Variants in ABCD3 observed in about 807,000 individuals in gnomAD.
ABCD3 encodes the protein ATP binding cassette subfamily D member 3.
ABCD3 carries 41 observed loss-of-function variants against 105.5 expected under a neutral mutation model. The observed-to-expected ratio is 0.39, with a 90% CI of 0.30 to 0.50. The LOEUF is 0.50. ABCD3 is among the 20% of genes least tolerant of loss of function. The probability of loss-of-function intolerance (pLI) is 0.84; values close to 1 mark genes in which losing one functional copy is unlikely to be tolerated. For synonymous variants in ABCD3, 258 were observed against 269.0 expected (o/e 0.96, Z 0.40); for missense variants, 622 against 806.3 (o/e 0.77, Z 2.77).
chr1:94,386,866 TAATAA>T, the ABCD3 span, among the ~76,000 whole-genome samples: 4 of 151,984 alleles, frequency 2.6e-5, no homozygotes, highest in Admixed American at 2.0e-4. Context: ...AAAGAAAAAA[TAATAA>T]AATAAAATAA....
intron 10 of ABCD3, among the ~76,000 whole-genome samples, chr1:94,485,902 T>C (rs1342384585): frequency 6.6e-6 from 1 of 152,176 alleles, no homozygotes; most frequent in Non-Finnish European, 1.5e-5. Flanking sequence ...CTTAAAGTGT[T>C]TGGGATGAGC....
At chr1:94,465,445 A>G (rs760820190) in intron 3 of ABCD3, among the ~76,000 whole-genome samples, 21 of 152,198 alleles carry the variant, frequency 1.4e-4, no homozygotes, top group Non-Finnish European at 2.2e-4. Context: ...AACCTTGTTC[A>G]GTGCCAGTTT....
chr1:94,433,895 C>A (rs1156616091), intron 1 of ABCD3, among the ~76,000 whole-genome samples: 1 of 151,214 alleles, frequency 6.6e-6, no homozygotes, highest in Non-Finnish European at 1.5e-5. Flanking sequence ...GTGATCTGCC[C>A]ACTTTGGCCT....
rs950372775 is a variant in ABCD3 at position 94,443,915 on chromosome 1, G to A, written c.111-14692G>A. Among the ~76,000 whole-genome samples the A allele has an allele frequency of 1.2e-4, 19 of 152,182 alleles. 1 individual carries two copies. The highest frequency in any genetic ancestry group is 4.1e-4 in the South Asian group (2 of 4,824). On this transcript the variant is annotated intron_variant, in intron 1 of 22. Coordinates refer to ENST00000370214, the MANE Select transcript of ABCD3 (RefSeq NM_002858.4). ...ACTTTCTAATATTGGTTATATTGCC[G>A]TATTTTTTTGGATCAGTCTTGCCAT...
At chr1:94,401,932 C>T in the ABCD3 span, among the ~76,000 whole-genome samples, 1 of 152,114 alleles carries the variant, frequency 6.6e-6, no homozygotes, top group South Asian at 2.1e-4. Flanking sequence ...TTTTTGTCAC[C>T]CAAGGAAGTT....
chr1:94,403,188 T>A, the ABCD3 span, among the ~76,000 whole-genome samples: 1 of 152,090 alleles, frequency 6.6e-6, no homozygotes, highest in South Asian at 2.1e-4. Context: ...AACAAAATGA[T>A]CCTCGTCTTA....
At chr1:94,393,472 C>T in the ABCD3 span, among the ~76,000 whole-genome samples, 3 of 151,874 alleles carry the variant, frequency 2.0e-5, no homozygotes, top group East Asian at 3.9e-4. Flanking sequence ...AACCCCGTCT[C>T]GACTAAAAAT....
intron 10 of ABCD3, among the ~76,000 whole-genome samples, chr1:94,485,044 G>A (rs1216847357): frequency 2.6e-5 from 4 of 152,182 alleles, no homozygotes; most frequent in Non-Finnish European, 5.9e-5. Flanking sequence ...ACATGAATGA[G>A]TGGGTGTGGC....
rs141334643 is a variant in ABCD3 at position 94,518,403 on chromosome 1, G to T, written c.*1274G>T. ...TTAACTATAACAATCACTGGCTACC[G>T]AAGTAAACTGATGTACTGAATTCCA... is the stretch of plus-strand genomic sequence containing the variant. On this transcript the variant is annotated 3_prime_UTR_variant, in exon 23 of 23. Transcript: ENST00000370214. The T allele has an allele frequency of 6.7e-6, 1 of 150,336 alleles. No individual in the cohort carries two copies. Among genetic ancestry groups the T allele is most frequent in the Non-Finnish European group, 1.5e-5 (1 of 67,522 alleles). 9.3% of individuals were successfully genotyped at this position (150,336 alleles called of 1,614,324 possible).
chr1:94,511,247 A>G (rs1650655673), intron 21 of ABCD3, among the ~76,000 whole-genome samples: 1 of 152,024 alleles, frequency 6.6e-6, no homozygotes, highest in South Asian at 2.1e-4. Context: ...TCCTTTACTT[A>G]TGAAGCTTAG....
chr1:94,418,185 A>C (rs1201179470), upstream of ABCD3, among the ~76,000 whole-genome samples: 1 of 152,178 alleles, frequency 6.6e-6, no homozygotes. Context: ...GCTGAGTAGC[A>C]ACAGCTCCTC....
intron 1 of ABCD3, 28 bp from the exon 2 acceptor site, chr1:94,458,579 G>GCT (rs762609845): frequency 5.0e-6 from 8 of 1,595,256 alleles, no homozygotes; most frequent in Admixed American, 3.3e-5. Context: ...ATAAAGTAAA[G>GCT]CTCTCTCTCT....
intron 1 of ABCD3, among the ~76,000 whole-genome samples, chr1:94,439,617 C>G (rs980791923): frequency 6.6e-6 from 1 of 151,894 alleles, no homozygotes; most frequent in Admixed American, 6.6e-5. Context: ...GGCAACAGAG[C>G]GAGACTCTAT....
intron 21 of ABCD3, chr1:94,513,397 G>A (rs1196246527): frequency 6.6e-6 from 1 of 151,958 alleles, no homozygotes; most frequent in Non-Finnish European, 1.5e-5. Context: ...TAAAACATCA[G>A]TTCCATTTAA....
intron 16 of ABCD3, among the ~76,000 whole-genome samples, chr1:94,496,491 A>G (rs1035110912): frequency 6.6e-6 from 1 of 150,770 alleles, no homozygotes; most frequent in Non-Finnish European, 1.5e-5. Flanking sequence ...CATTTTGTTT[A>G]TCCATTCATC....
At position 94,499,523 on chromosome 1, in the gene ABCD3, A is replaced by T; in HGVS notation, c.1649A>T (p.Gln550Leu). The T allele has an allele frequency of 6.2e-7, 1 of 1,613,704 alleles. No individual in the cohort carries two copies. Among genetic ancestry groups the T allele is most frequent in the Non-Finnish European group, 8.5e-7 (1 of 1,179,712 alleles). ...LVLKEYLDNV[Q>L]LGHILEREGG... Reference sequence around the variant, plus strand: ...CTGAAGGAATACTTAGACAATGTCCAGTTGGGTCATATCCTTGAACGTGAA... The same window carrying T: ...CTGAAGGAATACTTAGACAATGTCCTGTTGGGTCATATCCTTGAACGTGAA... Residue 550 changes from glutamine (Q) to leucine (L), a missense_variant, in exon 20 of 23, where the codon CAG (glutamine) becomes CTG (leucine). This residue lies in a region of ABCD3 where 285 missense variants were observed against 352.5 expected (regional missense o/e 0.81). Transcript: ENST00000370214.
intron 3 of ABCD3, among the ~76,000 whole-genome samples, chr1:94,467,017 T>A (rs1317460495): frequency 6.6e-6 from 1 of 152,210 alleles, no homozygotes; most frequent in African/African-American, 2.4e-5. Flanking sequence ...GAAAGATAAC[T>A]GATTCCCAGC....
rs576329475 is a variant in ABCD3 at position 94,477,095 on chromosome 1, A to G, written c.628-1164A>G. Among the ~76,000 whole-genome samples the G allele has an allele frequency of 9.1e-4, 139 of 152,116 alleles. 2 individuals carry two copies. Among genetic ancestry groups the G allele is most frequent in the Admixed American group, 9.0e-3 (137 of 15,262 alleles). ...TTAAGTACTTGTAGTGGGGCTGTAC[A>G]CCAGTGTGTAAGTTAGATGTTTTAA... On this transcript the variant is annotated intron_variant, in intron 7 of 22. Coordinates refer to ENST00000370214, the MANE Select transcript of ABCD3 (RefSeq NM_002858.4).
chr1:94,447,971 G>T (rs1660421890), intron 1 of ABCD3, among the ~76,000 whole-genome samples: 1 of 152,114 alleles, frequency 6.6e-6, no homozygotes, highest in South Asian at 2.1e-4. Context: ...CTAGCCCTTG[G>T]CAATTAACAA....
Sources: gnomAD v4.1 joint callset for allele counts (sites outside exome capture counted in the v4.1 genomes callset) on GRCh38, gnomAD v4.1.1 for gene constraint, gnomAD v4.1.1 regional missense constraint, MANE v1.5 for transcripts, NCBI Gene and HGNC (gene_info 2026-07-23, HGNC 2026-07-21) for gene names.